Variants in DPP10 observed in about 807,000 individuals in gnomAD.
DPP10 encodes dipeptidyl peptidase like 10.
DPP10 carries 33 observed loss-of-function variants against 120.9 expected under a neutral mutation model. That is an observed-to-expected ratio of 0.27 (90% CI 0.21 to 0.37). The LOEUF (loss-of-function observed/expected upper bound fraction) is 0.37, where lower values mean the gene tolerates loss of function less well. Ranked by LOEUF, DPP10 falls within the 10% of genes least tolerant of loss-of-function variation. DPP10 has a pLI of 1.00. For synonymous variants in DPP10, 337 were observed against 326.1 expected, an observed-to-expected ratio of 1.03 and a Z score of -0.36; for missense variants, 816 against 942.8, an observed-to-expected ratio of 0.87 and a Z score of 1.76.
intron 1 of DPP10, among the ~76,000 whole-genome samples, chr2:114,981,219 AG>A (rs1700070563): frequency 6.6e-6 from 1 of 152,178 alleles, no homozygotes; most frequent in Admixed American, 6.5e-5. Flanking sequence ...GTCTGTGCAA[AG>A]GGCCCCCTAC....
chr2:115,175,432 A>G lies in DPP10; in HGVS notation c.61-133807A>G, dbSNP rs1253737976. On this transcript the variant is annotated intron_variant, in intron 1 of 25. Transcript: ENST00000410059. ...TGGGGGAACAGGAAGAAATAAACAT[A>G]TGAATGGGATTGGGAACCTCAAGAG... 3.3e-5 allele frequency among the ~76,000 whole-genome samples: 5 copies of G among 152,312 alleles called. No individual in the cohort carries two copies. The South Asian group carries it at 1.0e-3, about 32-fold the overall frequency.
chr2:115,402,605 A>G (rs1224444765), intron 3 of DPP10, among the ~76,000 whole-genome samples: 3 of 151,528 alleles, frequency 2.0e-5, no homozygotes, highest in South Asian at 2.1e-4. Context: ...TAGAAAACTC[A>G]ATAGAGCAAT....
At chr2:115,156,135 A>T (rs2051894461) in intron 1 of DPP10, among the ~76,000 whole-genome samples, 1 of 152,230 alleles carries the variant, frequency 6.6e-6, no homozygotes, top group African/African-American at 2.4e-5. Flanking sequence ...ACAGAATTAA[A>T]CAATGTTCAG....
Position 115,739,840 on chromosome 2 carries a change from C to A in DPP10, c.799C>A (p.Pro267Thr). ...CTCTTTGGTACCCACCATGGTTATC[C>A]CTCGGTTTACTGGAGCGTTGTATCC... is the stretch of plus-strand genomic sequence containing the variant. ...NDSLVPTMVI[P>T]RFTGALYPKG... is the part of the protein sequence containing the mutation. The change falls in exon 9 of 26, where the codon CCT becomes ACT. Residue 267 changes from proline to threonine, a missense_variant. Pro to Thr is a conservative substitution (Grantham distance 38). Coordinates refer to ENST00000410059, the MANE Select transcript of DPP10 (RefSeq NM_020868.6). The A allele has an allele frequency of 6.2e-7, 1 of 1,613,464 alleles. No homozygotes were observed.
chr2:115,403,002 T>C (rs941827030), intron 3 of DPP10, among the ~76,000 whole-genome samples: 6 of 149,304 alleles, frequency 4.0e-5, no homozygotes, highest in Admixed American at 2.7e-4. Context: ...AAAGATACAT[T>C]TTTTAAATCC....
intron 13 of DPP10, among the ~76,000 whole-genome samples, chr2:115,773,512 T>A (rs1681725600): frequency 6.6e-6 from 1 of 152,108 alleles, no homozygotes; most frequent in Non-Finnish European, 1.5e-5. Context: ...AAAGTTGAAA[T>A]ATTAGTTCAA....
Position 115,391,289 on chromosome 2 carries a change from T to G in DPP10, c.271+47377T>G, listed in dbSNP as rs547663621. ...TATCTGTGCTTTCTTATGACTCCAATAAATATGAAGTCCTTACTACTGGAC... is the reference window on the plus strand; with the variant it reads ...TATCTGTGCTTTCTTATGACTCCAAGAAATATGAAGTCCTTACTACTGGAC... On this transcript the variant is annotated intron_variant, in intron 3 of 25. Coordinates refer to ENST00000410059, the MANE Select transcript of DPP10 (RefSeq NM_020868.6). 2.0e-5 allele frequency among the ~76,000 whole-genome samples: 3 copies of G among 152,300 alleles called. No individual in the cohort carries two copies. In the East Asian group the frequency reaches 5.8e-4, roughly 29 times the overall value.
At chr2:115,631,448 C>A (rs1330143145) in intron 5 of DPP10, among the ~76,000 whole-genome samples, 2 of 151,972 alleles carry the variant, frequency 1.3e-5, no homozygotes, top group African/African-American at 4.8e-5. Flanking sequence ...TTGTCTTCTG[C>A]CAGTTTTGGG....
intron 1 of DPP10, among the ~76,000 whole-genome samples, chr2:114,912,944 C>T (rs529882856): frequency 6.6e-6 from 1 of 152,304 alleles, no homozygotes; most frequent in East Asian, 1.9e-4. Context: ...CCAAGGCTTG[C>T]CATGCTCCTC....
At chr2:115,313,440 G>A (rs2061664234) in intron 2 of DPP10, among the ~76,000 whole-genome samples, 1 of 152,074 alleles carries the variant, frequency 6.6e-6, no homozygotes, top group Non-Finnish European at 1.5e-5. Context: ...GCCTTGTTTA[G>A]TGACAAATAT....
intron 3 of DPP10, among the ~76,000 whole-genome samples, chr2:115,349,700 A>G (rs2063901546): frequency 6.6e-6 from 1 of 152,132 alleles, no homozygotes; most frequent in Non-Finnish European, 1.5e-5. Context: ...TAATATTTAC[A>G]GTAATTAGGG....
chr2:115,094,121 A>G (rs1357913395), intron 1 of DPP10, among the ~76,000 whole-genome samples: 3 of 152,124 alleles, frequency 2.0e-5, no homozygotes, highest in Non-Finnish European at 4.4e-5. Flanking sequence ...GACGGAGTTC[A>G]AGTTCCTATT....
chr2:114,897,651 G>GA (rs1469464473), intron 1 of DPP10, among the ~76,000 whole-genome samples: 3 of 151,150 alleles, frequency 2.0e-5, no homozygotes, highest in Non-Finnish European at 4.4e-5. Flanking sequence ...AAATTTACAA[G>GA]AAAAAAACAA....
At chr2:115,033,722 A>G (rs1400013977) in intron 1 of DPP10, among the ~76,000 whole-genome samples, 3 of 140,520 alleles carry the variant, frequency 2.1e-5, no homozygotes, top group Non-Finnish European at 4.6e-5. Flanking sequence ...ATTTTTAGAG[A>G]TACGGTGTTG....
intron 3 of DPP10, among the ~76,000 whole-genome samples, chr2:115,466,273 T>C (rs891157410): frequency 3.3e-5 from 5 of 152,158 alleles, no homozygotes; most frequent in Non-Finnish European, 5.9e-5. Context: ...GGAATTATAG[T>C]GTGGTGTTCT....
At chr2:115,738,862 G>A (rs758908428) in intron 8 of DPP10, among the ~76,000 whole-genome samples, 1 of 152,196 alleles carries the variant, frequency 6.6e-6, no homozygotes, top group Non-Finnish European at 1.5e-5. Flanking sequence ...GAAGATAATT[G>A]ATTTACAAAG....
chr2:114,718,000 A>T (rs1235602015), intron 1 of DPP10, among the ~76,000 whole-genome samples: 1 of 152,188 alleles, frequency 6.6e-6, no homozygotes, highest in Non-Finnish European at 1.5e-5. Context: ...TCTGATACAT[A>T]GAACTAGAAT....
intron 7 of DPP10, among the ~76,000 whole-genome samples, chr2:115,723,562 C>T (rs554536106): frequency 6.6e-6 from 1 of 150,714 alleles, no homozygotes; most frequent in East Asian, 1.9e-4. Flanking sequence ...TTGAAATAAA[C>T]ATCACTGCTC....
chr2:114,627,861 C>T (rs969185950), intron 1 of DPP10, among the ~76,000 whole-genome samples: 4 of 152,092 alleles, frequency 2.6e-5, no homozygotes, highest in Non-Finnish European at 2.9e-5. Context: ...GCAAACCATG[C>T]ACAGAGCTGT....
Sources: gnomAD v4.1 joint callset for allele counts (sites outside exome capture counted in the v4.1 genomes callset) on GRCh38, gnomAD v4.1.1 for gene constraint, MANE v1.5 for transcripts, NCBI Gene and HGNC (gene_info 2026-07-23, HGNC 2026-07-21) for gene names.